The following PCNT variants were observed in gnomAD, a reference collection of about 807,000 sequenced individuals.
PCNT encodes kendrin.
PCNT carries 319 observed loss-of-function variants against 380.4 expected under a neutral mutation model. The observed-to-expected ratio is 0.84, with a 90% CI of 0.77 to 0.92. PCNT has a LOEUF of 0.92. Among genes scored for constraint, PCNT ranks in the 40% least tolerant of loss-of-function variants. PCNT has a pLI of 0.00. For synonymous variants in PCNT, 1,845 were observed against 1,735.2 expected (o/e 1.06, Z -1.57); for missense variants, 4,400 against 4,255.3 (o/e 1.03, Z -0.95).
chr21:46,430,639 G>T lies in PCNT; in HGVS notation c.8046G>T (p.Gln2682His), dbSNP rs866320701. ...TGCGGCACCTGCAGAGGGAGAGCCA[G>T]AGTGCCAAGGCCCTGGAGGTAACAG... ...EQLRHLQRES[Q>H]SAKALEELRA... is the part of the protein sequence containing the mutation. Residue 2682 changes from glutamine to histidine, a missense_variant, in exon 37 of 47, where the codon CAG becomes CAT. Gln to His is a conservative substitution (Grantham distance 24, BLOSUM62 0). Coordinates refer to ENST00000359568, the MANE Select transcript of PCNT (RefSeq NM_006031.6). The T allele has an allele frequency of 6.4e-7, 1 of 1,570,868 alleles. No individual in the cohort carries two copies. Among genetic ancestry groups the T allele is most frequent in the African/African-American group, 1.3e-5 (1 of 74,218 alleles).
chr21:46,406,003 G>C (rs542645672), intron 27 of PCNT, among the ~76,000 whole-genome samples: 2 of 152,192 alleles, frequency 1.3e-5, no homozygotes, highest in African/African-American at 4.8e-5. Flanking sequence ...ATATAATAAA[G>C]AAAAGTAAAA....
In PCNT at chr21:46,388,165, G is replaced by A. The variant is rs951729859; in HGVS notation, c.3465-577G>A. Reference sequence around the variant, plus strand: ...GTGGAGCTTGCAGTGAGCCAAGATCGTGCCACTGCACTCCAGCCTGGGCGA... The same window carrying A: ...GTGGAGCTTGCAGTGAGCCAAGATCATGCCACTGCACTCCAGCCTGGGCGA... On this transcript the variant is annotated intron_variant, in intron 17 of 46. Transcript: ENST00000359568. The surrounding 1 kb of genome is among the most constrained non-coding windows in gnomAD (Gnocchi z 4.2). Among the ~76,000 whole-genome samples, 3 of 151,694 alleles carry A rather than the reference G, an allele frequency of 2.0e-5. No homozygotes were observed. The highest frequency in any genetic ancestry group is 3.9e-4 in the East Asian group (2 of 5,158).
At chr21:46,402,569 C>A in intron 27 of PCNT, 86 bp downstream of exon 27, 1 of 1,443,252 alleles carries the variant, frequency 6.9e-7, no homozygotes, top group South Asian at 1.2e-5. Context: ...ATCGGGGAGG[C>A]GAGTCTCTGG....
Position 46,429,998 on chromosome 21 carries a change from TGTCTTTCTCAGTTGA to T in PCNT, c.7691-11_7694del, listed in dbSNP as rs770251828. 1 of 1,612,676 alleles carries T rather than the reference TGTCTTTCTCAGTTGA, an allele frequency of 6.2e-7. No individual in the cohort carries two copies. The highest frequency in any genetic ancestry group is 1.1e-5 in the South Asian group (1 of 91,034). ...TCATGGGGGCCTGTTACTGTTCTTT[TGTCTTTCTCAGTTGA>T]ACTGCTGGCTTATAAAGTAGAGCAG... On this transcript the variant is annotated splice_acceptor_variant and splice_polypyrimidine_tract_variant and coding_sequence_variant and intron_variant, in exon 36 of 47. Coordinates refer to ENST00000359568, the MANE Select transcript of PCNT (RefSeq NM_006031.6). LOFTEE classifies it high-confidence loss of function.
At chr21:46,381,473 G>A (rs887711146) in intron 15 of PCNT, among the ~76,000 whole-genome samples, 3 of 152,078 alleles carry the variant, frequency 2.0e-5, no homozygotes, top group African/African-American at 7.2e-5. Flanking sequence ...GCGAACTTGT[G>A]TCTCCTTAAG....
At chr21:46,347,821 G>A (rs992280135) in intron 6 of PCNT, among the ~76,000 whole-genome samples, 7 of 152,182 alleles carry the variant, frequency 4.6e-5, no homozygotes, top group African/African-American at 1.7e-4. Flanking sequence ...CTCTGCCCTC[G>A]TGGATGTGGC....
chr21:46,361,490 C>T (rs903277120), intron 13 of PCNT, among the ~76,000 whole-genome samples: 1 of 152,208 alleles, frequency 6.6e-6, no homozygotes, highest in Non-Finnish European at 1.5e-5. Flanking sequence ...AAACTGTGAC[C>T]TCTAACTGCA....
At position 46,416,756 on chromosome 21, in the gene PCNT, C is replaced by T. The variant is rs758079354; in HGVS notation, c.6838C>T (p.Pro2280Ser). ...CCAGGGGCCGGGGCTGCTTTGTTCC[C>T]CAGGCGTGTCTGCAGCAGCGCTGGC... ...QTQGPGLLCS[P>S]GVSAAALALQ... The change falls in exon 30 of 47, where the codon CCA (proline) becomes TCA (serine). Residue 2280 changes from proline to serine, a missense_variant. Transcript: ENST00000359568. The T allele has an allele frequency of 5.6e-6, 9 of 1,603,904 alleles. No homozygotes were observed. The highest frequency in any genetic ancestry group is 7.6e-6 in the Non-Finnish European group (9 of 1,176,550).
In PCNT at chr21:46,388,972, C is replaced by T. The variant is rs959605209; in HGVS notation, c.3607+88C>T. 15 of 1,514,620 alleles carry T rather than the reference C, an allele frequency of 9.9e-6. No homozygotes were observed. The highest frequency in any genetic ancestry group is 2.3e-4 in the Middle Eastern group (1 of 4,328). The allele number at this position is 1,514,620 out of a possible 1,614,324, so 93.8% of individuals were successfully genotyped here. On this transcript the variant is annotated intron_variant, in intron 18 of 46. Coordinates refer to ENST00000359568, the MANE Select transcript of PCNT (RefSeq NM_006031.6). The surrounding 1 kb of genome is among the most constrained non-coding windows in gnomAD (Gnocchi z 4.2). ...CTCTGAGAGGAGCCTCCGTATTGGG[C>T]GATGCCCTTGGGAGCACTGCCGTCC...
chr21:46,437,974 C>T (rs1334229914), intron 40 of PCNT, among the ~76,000 whole-genome samples, 190 bp from the exon 41 acceptor site: 4 of 152,224 alleles, frequency 2.6e-5, no homozygotes, highest in African/African-American at 9.6e-5. Context: ...CTGCGTTGTT[C>T]ATACAAGCCA....
intron 32 of PCNT, 64 bp downstream of exon 32, chr21:46,422,188 C>CT (rs1225626921): frequency 1.7e-5 from 27 of 1,592,640 alleles, no homozygotes; most frequent in Non-Finnish European, 2.3e-5. Flanking sequence ...CCCCCAAGCC[C>CT]TGTGTCCTGC....
intron 28 of PCNT, among the ~76,000 whole-genome samples, chr21:46,412,450 T>C (rs2086820307): frequency 6.6e-6 from 1 of 152,196 alleles, no homozygotes; most frequent in Middle Eastern, 3.2e-3. Context: ...GTGTGAGATG[T>C]GGCGAGCGAG....
chr21:46,333,934 T>C (rs112449854), intron 2 of PCNT, among the ~76,000 whole-genome samples: 5,888 of 148,942 alleles, frequency 0.04, 132 homozygotes, highest in Middle Eastern at 0.056. Flanking sequence ...TGGCCAGGTG[T>C]GGTGGCTCAT....
rs2087470710 is a variant in PCNT at position 46,425,816 on chromosome 21, G to A, written c.7180-15G>A. ...GTGGCAGGCAACTCCCTTCTGACGC[G>A]CTTTCCCGCCACAGGCTTTACTGCA... On this transcript the variant is annotated splice_polypyrimidine_tract_variant and intron_variant, in intron 32 of 46. Transcript: ENST00000359568. This position sits in a 1 kb window ranked among gnomAD's most constrained non-coding sequence, Gnocchi z 4.2. 7.4e-6 allele frequency: 12 copies of A among 1,612,774 alleles called. No individual in the cohort carries two copies. Among genetic ancestry groups the A allele is most frequent in the East Asian group, 2.2e-5 (1 of 44,852 alleles).
chr21:46,418,052 C>G, intron 30 of PCNT, 152 bp from the exon 31 acceptor site: 1 of 641,878 alleles, frequency 1.6e-6, no homozygotes, highest in East Asian at 2.7e-5. Context: ...TTGTTGGAAG[C>G]ATTCGACCTG....
intron 13 of PCNT, among the ~76,000 whole-genome samples, chr21:46,357,601 A>T (rs1031399314): frequency 2.6e-5 from 4 of 151,718 alleles, no homozygotes; most frequent in Non-Finnish European, 5.9e-5. Flanking sequence ...TAATTTTTGT[A>T]TTTTTTTTGT....
intron 2 of PCNT, among the ~76,000 whole-genome samples, chr21:46,330,346 T>A (rs2083518058): frequency 6.6e-6 from 1 of 152,174 alleles, no homozygotes. Context: ...CTCAAACTCC[T>A]GTGCTCAAGT....
chr21:46,324,240 G>A lies in PCNT; in HGVS notation c.12G>A (p.Glu4=), dbSNP rs1358065530. Reference sequence around the variant, plus strand: ...GGAGTCTGAGGGAGATGGAAGTTGAGCAAGAGCAGCGGCGCAGAAAGGTGG... The same window carrying A: ...GGAGTCTGAGGGAGATGGAAGTTGAACAAGAGCAGCGGCGCAGAAAGGTGG... MEV[E]QEQRRRKVEA... The change falls in exon 1 of 47, where the codon GAG becomes GAA. Residue 4 remains glutamate (E), a synonymous_variant. Coordinates refer to ENST00000359568, the MANE Select transcript of PCNT (RefSeq NM_006031.6). 1 of 1,612,074 alleles carries A rather than the reference G, an allele frequency of 6.2e-7. No homozygotes were observed. The highest frequency in any genetic ancestry group is 1.7e-5 in the Admixed American group (1 of 59,816).
Position 46,442,516 on chromosome 21 carries a change from A to T in PCNT, c.9643A>T (p.Lys3215Ter). ...TTGTAGATTACGTTTTTTGGTTAAG[A>T]AATGGCAAGAAGTAGATCGGAAAGG... ...AILRLRFLVK[K>*]WQEVDRKGAL... Residue 3215 changes from lysine to a stop codon, truncating the protein, a stop_gained, in exon 44 of 47, where the codon AAA becomes TAA. Transcript: ENST00000359568. LOFTEE classifies it high-confidence loss of function. 1 of 1,611,158 alleles carries T rather than the reference A, an allele frequency of 6.2e-7. No individual in the cohort carries two copies. The highest frequency in any genetic ancestry group is 8.5e-7 in the Non-Finnish European group (1 of 1,177,648).
Sources: gnomAD v4.1 joint callset for allele counts (sites outside exome capture counted in the v4.1 genomes callset) on GRCh38, gnomAD v4.1.1 for gene constraint, Gnocchi (gnomAD v3.1) non-coding constraint, MANE v1.5 for transcripts, NCBI Gene and HGNC (gene_info 2026-07-23, HGNC 2026-07-21) for gene names.